SLCO1B1: variants seen among roughly 807,000 people sequenced by gnomAD.
SLCO1B1 encodes solute carrier organic anion transporter family member 1B1, also known as OATP-2.
SLCO1B1 carries 81 observed loss-of-function variants against 70.1 expected under a neutral mutation model. That is an observed-to-expected ratio of 1.16 (90% CI 0.97 to 1.39). The LOEUF (loss-of-function observed/expected upper bound fraction) is 1.39. SLCO1B1 is among the 40% of genes most tolerant of loss of function. The probability of loss-of-function intolerance (pLI) is 0.00; values close to 1 mark genes in which losing one functional copy is unlikely to be tolerated. For missense variants in SLCO1B1, 895 were observed against 799.6 expected (o/e 1.12, Z -1.44); for synonymous variants, 283 against 271.5 (o/e 1.04, Z -0.42).
chr12:21,137,365 G>C (rs896347923), intron 1 of SLCO1B1, among the ~76,000 whole-genome samples: 3 of 152,172 alleles, frequency 2.0e-5, no homozygotes, highest in Non-Finnish European at 4.4e-5. Context: ...AGCTGTCAGA[G>C]AGGGACATTT....
intron 2 of SLCO1B1, among the ~76,000 whole-genome samples, chr12:21,145,473 A>ATTTTTTTTTTT (rs35334634): frequency 1.3e-5 from 1 of 76,102 alleles, no homozygotes; most frequent in African/African-American, 5.6e-5. Flanking sequence ...CATTTTTTTC[A>ATTTTTTTTTTT]TTTTTTTTTT....
In SLCO1B1 at chr12:21,176,788, TA is replaced by T; in HGVS notation, c.375del (p.Glu126LysfsTer18). Reference protein sequence around the residue: ...HFFMGYYRYSKETNINSSENS... With the variant: ...HFFMGYYRYSXETNINSSENS... Reference sequence around the variant, plus strand: ...GATGTTCTTACAGTTACAGGTATTCTAAAGAAACTAATATCAATTCATCAGA... The same window carrying T: ...GATGTTCTTACAGTTACAGGTATTCTAAGAAACTAATATCAATTCATCAGA... On this transcript the variant is annotated frameshift_variant, in exon 5 of 15. Coordinates refer to ENST00000256958, the MANE Select transcript of SLCO1B1 (RefSeq NM_006446.5). LOFTEE classifies it high-confidence loss of function. The T allele has an allele frequency of 6.5e-7, 1 of 1,538,540 alleles. No homozygotes were observed. Among genetic ancestry groups the T allele is most frequent in the Non-Finnish European group, 9.0e-7 (1 of 1,112,494 alleles).
At chr12:21,214,890 C>G (rs529216689) in intron 11 of SLCO1B1, among the ~76,000 whole-genome samples, 1 of 152,064 alleles carries the variant, frequency 6.6e-6, no homozygotes, top group Non-Finnish European at 1.5e-5. Context: ...CTTGCGCTTC[C>G]CAAGCCAGGC....
intron 7 of SLCO1B1, among the ~76,000 whole-genome samples, chr12:21,184,826 T>A (rs146834205): frequency 2.0e-3 from 303 of 152,198 alleles, no homozygotes; most frequent in South Asian, 4.4e-3. Flanking sequence ...ACAAGCTTCA[T>A]AAGTAGACAA....
chr12:21,224,827 C>T lies in SLCO1B1; in HGVS notation c.1853C>T (p.Ser618Phe), dbSNP rs1215794168. The T allele has an allele frequency of 6.3e-7, 1 of 1,578,322 alleles. No individual in the cohort carries two copies. The highest frequency in any genetic ancestry group is 8.7e-7 in the Non-Finnish European group (1 of 1,151,812). The change falls in exon 14 of 15, where the codon TCC (serine) becomes TTC (phenylalanine). Residue 618 changes from serine to phenylalanine, a missense_variant. Physicochemically the swap from Ser to Phe is radical, Grantham distance 155. Transcript: ENST00000256958. ...GTRGSCRTYN[S>F]TSFSRVYLGL... is the part of the protein sequence containing the mutation. ...CGTGGGTCATGTAGGACATATAATT[C>T]CACATCATTTTCGTAAGTTGTCATA...
chr12:21,231,393 T>TAG (rs1387784141), intron 14 of SLCO1B1, among the ~76,000 whole-genome samples: 1 of 145,486 alleles, frequency 6.9e-6, no homozygotes, highest in African/African-American at 2.5e-5. Flanking sequence ...GAGAGTTCTA[T>TAG]CCTCCTTCAA....
At position 21,203,257 on chromosome 12, in the gene SLCO1B1, A is replaced by G. The variant is rs1386789020; in HGVS notation, c.1331+571A>G. Among the ~76,000 whole-genome samples the G allele has an allele frequency of 2.0e-5, 3 of 152,070 alleles. No homozygotes were observed. The Admixed American group carries it at 2.0e-4, about 10-fold the overall frequency. ...TTTTTCTGATATTATCTACATTGGA[A>G]GTAGCATTAAGAAATATTCTATATA... On this transcript the variant is annotated intron_variant, in intron 10 of 14. Coordinates refer to ENST00000256958, the MANE Select transcript of SLCO1B1 (RefSeq NM_006446.5).
chr12:21,151,709 C>T (rs1387558740), intron 2 of SLCO1B1, among the ~76,000 whole-genome samples: 2 of 152,078 alleles, frequency 1.3e-5, no homozygotes, highest in Non-Finnish European at 2.9e-5. Flanking sequence ...CAAAACATTT[C>T]TTTCAGTTTC....
chr12:21,176,530 G>C (rs1050339091), intron 4 of SLCO1B1, among the ~76,000 whole-genome samples: 1 of 152,052 alleles, frequency 6.6e-6, no homozygotes, highest in African/African-American at 2.4e-5. Context: ...ACCACTCCTA[G>C]GATAATAGCA....
At chr12:21,160,919 T>G (rs1265802618) in intron 2 of SLCO1B1, among the ~76,000 whole-genome samples, 1 of 152,066 alleles carries the variant, frequency 6.6e-6, no homozygotes, top group East Asian at 1.9e-4. Flanking sequence ...AAGGCCAATA[T>G]TACTGATCAT....
At position 21,135,457 on chromosome 12, in the gene SLCO1B1, G is replaced by C. The variant is rs575609318; in HGVS notation, c.-62+4221G>C. 4.6e-5 allele frequency among the ~76,000 whole-genome samples: 7 copies of C among 152,210 alleles called. No individual in the cohort carries two copies. The South Asian group carries it at 1.5e-3, about 32-fold the overall frequency. ...GGTGTTAAAGTCTCCCATTATTATT[G>C]AGTGGAATTCTAAGTCTCTTTGTAG... On this transcript the variant is annotated intron_variant, in intron 1 of 14. Coordinates refer to ENST00000256958, the MANE Select transcript of SLCO1B1 (RefSeq NM_006446.5).
rs185837046 is a variant in SLCO1B1, at chr12:21,228,306, A to G, written c.1865+3467A>G. ...TAGTTCAACTGTATACTTAAAAGAAATGTACAAGGTATAGAATTCTAAATT... is the reference window on the plus strand; with the variant it reads ...TAGTTCAACTGTATACTTAAAAGAAGTGTACAAGGTATAGAATTCTAAATT... On this transcript the variant is annotated intron_variant, in intron 14 of 14. Transcript: ENST00000256958. Among the ~76,000 whole-genome samples the G allele has an allele frequency of 7.7e-3, 1,180 of 152,262 alleles. 14 individuals are homozygous for G. Among genetic ancestry groups the G allele is most frequent in the African/African-American group, 0.027 (1,101 of 41,518 alleles).
chr12:21,157,515 A>C (rs1940557160), intron 2 of SLCO1B1, among the ~76,000 whole-genome samples: 1 of 152,168 alleles, frequency 6.6e-6, no homozygotes, highest in Non-Finnish European at 1.5e-5. Flanking sequence ...CATTCTAACC[A>C]GAAAATCTTC....
At chr12:21,177,072 C>G (rs979732564) in intron 5 of SLCO1B1, among the ~76,000 whole-genome samples, 175 bp downstream of exon 5, 1 of 152,096 alleles carries the variant, frequency 6.6e-6, no homozygotes, top group African/African-American at 2.4e-5. Context: ...ATTAACAACA[C>G]AGGTTTAAAC....
chr12:21,147,690 C>T (rs2121052095), intron 2 of SLCO1B1, among the ~76,000 whole-genome samples: 1 of 152,296 alleles, frequency 6.6e-6, no homozygotes, highest in Admixed American at 6.5e-5. Flanking sequence ...TATTGATGGG[C>T]ATTTGGGTTG....
chr12:21,168,761 G>A (rs958667814), intron 2 of SLCO1B1, among the ~76,000 whole-genome samples: 1 of 152,046 alleles, frequency 6.6e-6, no homozygotes, highest in East Asian at 1.9e-4. Flanking sequence ...CCTTGGAAAA[G>A]TCCATATATT....
intron 4 of SLCO1B1, among the ~76,000 whole-genome samples, chr12:21,175,500 T>C (rs1008420864): frequency 2.0e-5 from 3 of 152,146 alleles, no homozygotes; most frequent in African/African-American, 7.2e-5. Context: ...GTATAATTAC[T>C]GTGGAAGGAA....
At chr12:21,185,050 C>T (rs895823125) in intron 7 of SLCO1B1, among the ~76,000 whole-genome samples, 8 of 151,936 alleles carry the variant, frequency 5.3e-5, no homozygotes, top group African/African-American at 9.7e-5. Flanking sequence ...TTCCATTAAA[C>T]GAGAAGACTT....
At chr12:21,148,610 G>A (rs1940420409) in intron 2 of SLCO1B1, among the ~76,000 whole-genome samples, 2 of 151,528 alleles carry the variant, frequency 1.3e-5, no homozygotes, top group Admixed American at 1.3e-4. Context: ...GTTGGTTACT[G>A]GAGGCTTGTA....
Sources: gnomAD v4.1 joint callset for allele counts (sites outside exome capture counted in the v4.1 genomes callset) on GRCh38, gnomAD v4.1.1 for gene constraint, MANE v1.5 for transcripts, NCBI Gene and HGNC (gene_info 2026-07-23, HGNC 2026-07-21) for gene names.